Variants in MICU3 observed in about 807,000 individuals in gnomAD.
MICU3 encodes the protein mitochondrial calcium uptake 3, also known as calcium uptake protein 3, mitochondrial.
A neutral mutation model predicts 66.5 loss-of-function variants in MICU3; 62 were observed. That is an observed-to-expected ratio of 0.93 (90% CI 0.76 to 1.15). MICU3 has a LOEUF of 1.15. Among genes scored for constraint, MICU3 ranks in the 50% most tolerant of loss-of-function variants. The pLI is 0.00. For synonymous variants in MICU3, 308 were observed against 240.7 expected (o/e 1.28, Z -2.59); for missense variants, 779 against 664.4 (o/e 1.17, Z -1.90).
At chr8:17,057,835 C>CTTGTTGTTGTTG (rs3988341) in intron 1 of MICU3, among the ~76,000 whole-genome samples, 9 of 150,526 alleles carry the variant, frequency 6.0e-5, no homozygotes, top group Non-Finnish European at 1.2e-4. Context: ...TGTTGTTGTT[C>CTTGTTGTTGTTG]TTGTTGTTGT....
At chr8:17,034,672 C>G (rs1054602036) in intron 1 of MICU3, among the ~76,000 whole-genome samples, 5 of 152,200 alleles carry the variant, frequency 3.3e-5, no homozygotes, top group Non-Finnish European at 5.9e-5. Context: ...AAGGAAGTAG[C>G]TGCAGAGGTG....
rs143019102 is a variant in MICU3 at position 17,075,780 on chromosome 8, C to T, written c.568-2003C>T. Among the ~76,000 whole-genome samples, 1,288 of 152,174 alleles carry T rather than the reference C, an allele frequency of 8.5e-3. 14 individuals carry two copies. Among genetic ancestry groups the T allele is most frequent in the African/African-American group, 0.029 (1,214 of 41,546 alleles). On this transcript the variant is annotated intron_variant, in intron 3 of 14. Coordinates refer to ENST00000318063, the MANE Select transcript of MICU3 (RefSeq NM_181723.3). ...CCACTTTAAGTCTCAGTAAAATATG[C>T]ATAATGAGGATTGTTTTTAGAATGA...
rs1803200294 is a variant in MICU3 at position 17,121,566 on chromosome 8, C to A, written c.*1279C>A. 1 of 152,096 alleles carries A rather than the reference C, an allele frequency of 6.6e-6. No individual in the cohort carries two copies. Among genetic ancestry groups the A allele is most frequent in the Admixed American group, 6.6e-5 (1 of 15,212 alleles). The allele number at this position is 152,096 out of a possible 1,614,324, so 9.4% of individuals were successfully genotyped here. A position where few individuals can be genotyped will look rare whatever the true frequency, so the allele number is the denominator to read the frequency against. ...AAGATAAGTTCATTTATCTTCCTTT[C>A]TAAGACATATTTAATGTAGGTTACA... On this transcript the variant is annotated 3_prime_UTR_variant, in exon 15 of 15. Transcript: ENST00000318063.
chr8:17,058,031 G>A (rs767649258), intron 1 of MICU3, among the ~76,000 whole-genome samples: 1 of 152,032 alleles, frequency 6.6e-6, no homozygotes, highest in Non-Finnish European at 1.5e-5. Context: ...TGTATTTTTA[G>A]CAGAGATGGG....
At chr8:17,055,799 T>G (rs2150587359) in intron 1 of MICU3, among the ~76,000 whole-genome samples, 1 of 152,310 alleles carries the variant, frequency 6.6e-6, no homozygotes, top group Non-Finnish European at 1.5e-5. Context: ...GACACACACT[T>G]GTGTTGTGTT....
intron 9 of MICU3, among the ~76,000 whole-genome samples, chr8:17,103,541 A>T (rs1019414458): frequency 6.6e-6 from 1 of 151,674 alleles, no homozygotes; most frequent in Admixed American, 6.6e-5. Context: ...TGCTTTTTGT[A>T]CCTGAGTTTA....
At chr8:17,096,608 G>T (rs1800721494) in intron 8 of MICU3, among the ~76,000 whole-genome samples, 1 of 151,766 alleles carries the variant, frequency 6.6e-6, no homozygotes, top group African/African-American at 2.4e-5. Context: ...AAAAGATGAT[G>T]TAAGATAAAA....
intron 8 of MICU3, among the ~76,000 whole-genome samples, chr8:17,091,694 C>G (rs949573825): frequency 6.6e-6 from 1 of 152,006 alleles, no homozygotes; most frequent in African/African-American, 2.4e-5. Context: ...TTACAAGATA[C>G]TTTAAATTTT....
At chr8:17,066,356 A>G (rs1263864869) in intron 2 of MICU3, among the ~76,000 whole-genome samples, 1 of 151,644 alleles carries the variant, frequency 6.6e-6, no homozygotes, top group Admixed American at 6.6e-5. Flanking sequence ...AAGATACAGA[A>G]CCATCTCCAA....
chr8:17,032,828 A>G (rs1337040346), intron 1 of MICU3, among the ~76,000 whole-genome samples: 1 of 152,200 alleles, frequency 6.6e-6, no homozygotes, highest in East Asian at 1.9e-4. Flanking sequence ...TTATACGCGT[A>G]CTTAATGTTT....
chr8:17,099,199 C>A (rs1463695865), intron 9 of MICU3, among the ~76,000 whole-genome samples: 1 of 151,658 alleles, frequency 6.6e-6, no homozygotes, highest in Non-Finnish European at 1.5e-5. Flanking sequence ...TCAAGATGGG[C>A]CATATCTTAG....
rs144627846 is a variant in MICU3 at position 17,045,082 on chromosome 8, G to A, written c.381+17422G>A. Among the ~76,000 whole-genome samples, 335 of 151,944 alleles carry A rather than the reference G, an allele frequency of 2.2e-3. 1 individual carries two copies. Among genetic ancestry groups the A allele is most frequent in the African/African-American group, 7.3e-3 (304 of 41,444 alleles). On this transcript the variant is annotated intron_variant, in intron 1 of 14. Coordinates refer to ENST00000318063, the MANE Select transcript of MICU3 (RefSeq NM_181723.3). The stretch of plus-strand genomic sequence containing the variant: ...AAGGAAAATTGGAGAATGAATAATC[G>A]GAGGTATCTGCTAGTCTTTGTTAGA...
chr8:17,046,125 C>G (rs1815040917), intron 1 of MICU3, among the ~76,000 whole-genome samples: 1 of 152,204 alleles, frequency 6.6e-6, no homozygotes, highest in African/African-American at 2.4e-5. Flanking sequence ...AAAGAGGGAT[C>G]ATGTGAACCC....
chr8:17,051,748 A>G (rs1816121506), intron 1 of MICU3, among the ~76,000 whole-genome samples: 1 of 152,190 alleles, frequency 6.6e-6, no homozygotes, highest in South Asian at 2.1e-4. Flanking sequence ...CTTGACAAGC[A>G]GTTTTGGTGG....
At chr8:17,046,112 T>A (rs1162386820) in intron 1 of MICU3, among the ~76,000 whole-genome samples, 1 of 152,186 alleles carries the variant, frequency 6.6e-6, no homozygotes, top group East Asian at 1.9e-4. Context: ...ATTATTTGAA[T>A]CCAAAGAGGG....
rs1353179921 is a variant in MICU3, at chr8:17,038,825, C to T, written c.381+11165C>T. ...AAAATTAGCCAGGCGTGGTGGCAGT[C>T]GCCTGTAGTCCCAGCTGCTCGGGAG... On this transcript the variant is annotated intron_variant, in intron 1 of 14. Transcript: ENST00000318063. Among the ~76,000 whole-genome samples the T allele has an allele frequency of 3.9e-5, 6 of 151,998 alleles. No individual in the cohort carries two copies. In the South Asian group the frequency reaches 6.2e-4, roughly 16 times the overall value.
At chr8:17,082,128 A>G (rs1821275118) in intron 5 of MICU3, among the ~76,000 whole-genome samples, 1 of 150,944 alleles carries the variant, frequency 6.6e-6, no homozygotes, top group South Asian at 2.1e-4. Context: ...CAGAATACCC[A>G]TCATTCACAT....
At chr8:17,065,507 C>G (rs377486277) in intron 2 of MICU3, among the ~76,000 whole-genome samples, 2 of 152,158 alleles carry the variant, frequency 1.3e-5, no homozygotes, top group South Asian at 4.2e-4. Flanking sequence ...AATTTCTGCT[C>G]TTTAAAAGAT....
chr8:17,124,629 T>A (rs1293756153), downstream of MICU3, among the ~76,000 whole-genome samples: 11 of 151,920 alleles, frequency 7.2e-5, no homozygotes, highest in Admixed American at 7.2e-4. Context: ...TCTTATCTTT[T>A]ATTTTTTGGA....
Sources: allele counts gnomAD v4.1 joint callset (sites outside exome capture counted in the v4.1 genomes callset), GRCh38; gene constraint gnomAD v4.1.1; transcripts MANE v1.5; gene names NCBI Gene and HGNC (gene_info 2026-07-23, HGNC 2026-07-21).